RAB11FIP3: variants seen among roughly 807,000 people sequenced by gnomAD.
The protein encoded by RAB11FIP3 is rab11 family-interacting protein 3.
In RAB11FIP3, 17 loss-of-function variants were observed where a neutral mutation model predicts 77.8. The ratio of observed to expected loss-of-function variants is 0.22; its 90% confidence interval spans 0.15 to 0.33. RAB11FIP3 has a LOEUF of 0.33. Among genes scored for constraint, RAB11FIP3 ranks in the 10% least tolerant of loss-of-function variants. The pLI is 1.00. For synonymous variants in RAB11FIP3, 437 were observed against 448.2 expected, an observed-to-expected ratio of 0.98 and a Z score of 0.31; for missense variants, 1,005 against 1,011.2, an observed-to-expected ratio of 0.99 and a Z score of 0.08.
At chr16:449,905 C>T (rs1417473063) in intron 1 of RAB11FIP3, among the ~76,000 whole-genome samples, 2 of 151,890 alleles carry the variant, frequency 1.3e-5, no homozygotes, top group Admixed American at 1.3e-4. Context: ...GAGCCAAGGT[C>T]GTGCCACTGC....
chr16:486,745 G>A (rs1010744773), intron 4 of RAB11FIP3, among the ~76,000 whole-genome samples: 9 of 152,214 alleles, frequency 5.9e-5, no homozygotes, highest in African/African-American at 2.2e-4. Context: ...CCTGAGGAGA[G>A]GAGGAGATGG....
intron 6 of RAB11FIP3, among the ~76,000 whole-genome samples, chr16:497,608 G>T: frequency 6.6e-6 from 1 of 152,274 alleles, no homozygotes; most frequent in African/African-American, 2.4e-5. Flanking sequence ...TCCAGGCCTC[G>T]TGGCTGTGGT....
rs905125561 is a variant in RAB11FIP3, at chr16:521,755, C to T, written c.*916C>T. ...CGGCCTCCTAAAGGCCACACCCTCC[C>T]CACGCACTTCCCAGGCCAGAATCCA... is the stretch of plus-strand genomic sequence containing the variant. On this transcript the variant is annotated 3_prime_UTR_variant, in exon 14 of 14. Coordinates refer to ENST00000262305, the MANE Select transcript of RAB11FIP3 (RefSeq NM_014700.4). 6.6e-6 allele frequency: 1 copy of T among 152,318 alleles called. No individual in the cohort carries two copies. The highest frequency in any genetic ancestry group is 1.5e-5 in the Non-Finnish European group (1 of 68,074). 9.4% of individuals were successfully genotyped at this position (152,318 alleles called of 1,614,324 possible).
At chr16:467,724 C>G (rs373652614) in intron 2 of RAB11FIP3, among the ~76,000 whole-genome samples, 49 of 13,554 alleles carry the variant, frequency 3.6e-3, no homozygotes, top group Admixed American at 6.8e-3. Flanking sequence ...GTGCTGGGGC[C>G]TCAGGGAGGA....
Position 462,095 on chromosome 16 carries a change from A to T in RAB11FIP3, c.808+598A>T, listed in dbSNP as rs77443172. On this transcript the variant is annotated intron_variant, in intron 2 of 13. Coordinates refer to ENST00000262305, the MANE Select transcript of RAB11FIP3 (RefSeq NM_014700.4). ...GCTCCGACAGAGTCCTGTGCCTGGC[A>T]GTGCGGAGCCTGTCACGCACATCAC... 6.1e-3 allele frequency among the ~76,000 whole-genome samples: 929 copies of T among 152,338 alleles called. 10 individuals are homozygous for T. Among genetic ancestry groups the T allele is most frequent in the African/African-American group, 0.021 (884 of 41,578 alleles).
intron 1 of RAB11FIP3, among the ~76,000 whole-genome samples, chr16:458,354 C>A (rs2055538377): frequency 6.6e-6 from 1 of 152,234 alleles, no homozygotes; most frequent in Non-Finnish European, 1.5e-5. Flanking sequence ...GTGCTTGCTG[C>A]TTGGTAGCAG....
intron 3 of RAB11FIP3, among the ~76,000 whole-genome samples, chr16:473,009 G>A (rs2055835281): frequency 6.6e-6 from 1 of 152,180 alleles, no homozygotes. Flanking sequence ...CATCCTCTCC[G>A]AGAGCCTTAG....
chr16:502,451 C>T (rs1162313148), intron 6 of RAB11FIP3, among the ~76,000 whole-genome samples: 2 of 152,178 alleles, frequency 1.3e-5, no homozygotes, highest in African/African-American at 2.4e-5. Flanking sequence ...TGGACTCGGT[C>T]GGACCAGTTT....
intron 3 of RAB11FIP3, among the ~76,000 whole-genome samples, chr16:478,243 A>C (rs1567380521): frequency 6.8e-6 from 1 of 146,628 alleles, no homozygotes; most frequent in African/African-American, 2.6e-5. Flanking sequence ...GCCAGGCTGG[A>C]GTGCAGTGGC....
chr16:520,889 G>A lies in RAB11FIP3; in HGVS notation c.*50G>A, dbSNP rs2032656990. ...GGATTCGGGACTCCAACACCCTGGA[G>A]TGGTTCCGTCAGACCATGAGGAGCC... On this transcript the variant is annotated 3_prime_UTR_variant, in exon 14 of 14. Transcript: ENST00000262305. The A allele has an allele frequency of 6.7e-7, 1 of 1,492,542 alleles. No individual in the cohort carries two copies. The highest frequency in any genetic ancestry group is 9.3e-7 in the Non-Finnish European group (1 of 1,070,734). 92.5% of individuals were successfully genotyped at this position (1,492,542 alleles called of 1,614,324 possible). A position where few individuals can be genotyped will look rare whatever the true frequency, so the allele number is the denominator to read the frequency against.
At position 471,119 on chromosome 16, in the gene RAB11FIP3, T is replaced by G. The variant is rs748546507; in HGVS notation, c.809-176T>G. ...CTCTGACCCGTTGGCAAGGCTGTTT[T>G]CTCTCCCTGGATTTCTCATGCTCAC... On this transcript the variant is annotated intron_variant, in intron 2 of 13. Transcript: ENST00000262305. The surrounding 1 kb of genome is among the most constrained non-coding windows in gnomAD (Gnocchi z 4.4). Among the ~76,000 whole-genome samples the G allele has an allele frequency of 6.6e-5, 10 of 152,098 alleles. No homozygotes were observed. The highest frequency in any genetic ancestry group is 1.2e-4 in the Non-Finnish European group (8 of 68,008).
At chr16:520,314 C>G in intron 12 of RAB11FIP3, 37 bp downstream of exon 12, 1 of 1,548,760 alleles carries the variant, frequency 6.5e-7, no homozygotes, top group Middle Eastern at 1.8e-4. Context: ...CACACTCCTG[C>G]AGAAGCTTCC....
intron 4 of RAB11FIP3, among the ~76,000 whole-genome samples, chr16:485,359 G>C (rs2056133422): frequency 6.6e-6 from 1 of 152,194 alleles, no homozygotes. Flanking sequence ...GGGTATCACA[G>C]ATCCTTTTTG....
At chr16:441,447 G>C (rs967889140) in intron 1 of RAB11FIP3, among the ~76,000 whole-genome samples, 1 of 152,180 alleles carries the variant, frequency 6.6e-6, no homozygotes, top group Non-Finnish European at 1.5e-5. Flanking sequence ...TTTCCCCTCT[G>C]TGTCACCCTC....
intron 5 of RAB11FIP3, among the ~76,000 whole-genome samples, chr16:495,681 A>G (rs2031062207): frequency 2.0e-5 from 3 of 152,178 alleles, no homozygotes. Context: ...AGGGCAAGTA[A>G]AAAGGATGGA....
chr16:510,859 C>CTTGA, intron 9 of RAB11FIP3, 59 bp downstream of exon 9: 4 of 1,565,232 alleles, frequency 2.6e-6, no homozygotes, highest in Non-Finnish European at 3.5e-6. Flanking sequence ...AGGAGACGGT[C>CTTGA]CCCAACAGCC....
chr16:509,748 G>A lies in RAB11FIP3; in HGVS notation c.1500-912G>A, dbSNP rs552103626. Among the ~76,000 whole-genome samples, 47 of 152,236 alleles carry A rather than the reference G, an allele frequency of 3.1e-4. No individual in the cohort carries two copies. In the South Asian group the frequency reaches 3.5e-3, roughly 11 times the overall value. ...GCCTGGAGGGGACTGGGAGCAGAGTGGGCCCCCCCCCCACTTGTGGCCCCT... is the reference window on the plus strand; with the variant it reads ...GCCTGGAGGGGACTGGGAGCAGAGTAGGCCCCCCCCCCACTTGTGGCCCCT... On this transcript the variant is annotated intron_variant, in intron 8 of 13. Transcript: ENST00000262305.
rs939834469 is a variant in RAB11FIP3, at chr16:506,213, G to A, written c.1499+586G>A. On this transcript the variant is annotated intron_variant, in intron 8 of 13. Coordinates refer to ENST00000262305, the MANE Select transcript of RAB11FIP3 (RefSeq NM_014700.4). The surrounding 1 kb of genome is among the most constrained non-coding windows in gnomAD (Gnocchi z 4.5). ...GTTTGCAGACTTTTCTTAGAATACC[G>A]TGTAATTCTCGGTGTTTTTCACACG... Among the ~76,000 whole-genome samples, 11 of 152,238 alleles carry A rather than the reference G, an allele frequency of 7.2e-5. No homozygotes were observed. Among genetic ancestry groups the A allele is most frequent in the East Asian group, 5.8e-4 (3 of 5,172 alleles).
rs116017570 is a variant in RAB11FIP3, at chr16:471,459, G to A, written c.903+70G>A. 1,662 of 1,300,430 alleles carry A rather than the reference G, an allele frequency of 1.3e-3. 18 individuals carry two copies. The African/African-American group carries it at 0.021, about 17-fold the overall frequency. 80.6% of individuals were successfully genotyped at this position (1,300,430 alleles called of 1,614,324 possible). A position where few individuals can be genotyped will look rare whatever the true frequency, so the allele number is the denominator to read the frequency against. On this transcript the variant is annotated intron_variant, in intron 3 of 13. Coordinates refer to ENST00000262305, the MANE Select transcript of RAB11FIP3 (RefSeq NM_014700.4). The surrounding 1 kb of genome is among the most constrained non-coding windows in gnomAD (Gnocchi z 4.4). ...CCTCTTCCTTTATGCCCTACAGCTC[G>A]TGCCTCCTGCCTCCGGGCTGTCTTC...
Sources: allele counts gnomAD v4.1 joint callset (sites outside exome capture counted in the v4.1 genomes callset), GRCh38; gene constraint gnomAD v4.1.1; non-coding constraint Gnocchi (gnomAD v3.1); transcripts MANE v1.5; gene names NCBI Gene and HGNC (gene_info 2026-07-23, HGNC 2026-07-21).